Variants in SORCS3 observed in about 807,000 individuals in gnomAD.
SORCS3 encodes the protein sortilin related VPS10 domain containing receptor 3, also known as VPS10 domain-containing receptor SorCS3.
SORCS3 carries 57 observed loss-of-function variants against 146.3 expected under a neutral mutation model. The observed-to-expected ratio is 0.39, with a 90% confidence interval of 0.31 to 0.49. The LOEUF is 0.49. SORCS3 is among the 20% of genes least tolerant of loss of function. The pLI, the probability that SORCS3 is intolerant of heterozygous loss-of-function variation, is 0.92. For missense variants in SORCS3, 1,341 were observed against 1,575.5 expected (o/e 0.85, Z 2.52); for synonymous variants, 653 against 618.5 (o/e 1.06, Z -0.83).
chr10:104,908,401 G>A (rs2018931122), intron 2 of SORCS3, among the ~76,000 whole-genome samples: 1 of 152,170 alleles, frequency 6.6e-6, no homozygotes, highest in Admixed American at 6.5e-5. Flanking sequence ...ATACAATCAG[G>A]GGTATTCATA....
chr10:105,239,152 T>G (rs2056809480), intron 20 of SORCS3, among the ~76,000 whole-genome samples: 1 of 152,192 alleles, frequency 6.6e-6, no homozygotes, highest in Non-Finnish European at 1.5e-5. Context: ...TAGCTATAGA[T>G]AGTATTTTGC....
chr10:104,719,057 C>T (rs546845619), intron 1 of SORCS3, among the ~76,000 whole-genome samples: 1 of 152,144 alleles, frequency 6.6e-6, no homozygotes, highest in East Asian at 1.9e-4. Context: ...ATATCCAAAT[C>T]TTATTTGAAT....
intron 2 of SORCS3, among the ~76,000 whole-genome samples, chr10:104,859,066 G>A (rs563579388): frequency 2.0e-5 from 3 of 152,066 alleles, no homozygotes; most frequent in African/African-American, 7.2e-5. Flanking sequence ...TGTGTGGTGT[G>A]TGTATGTTGC....
chr10:104,709,163 G>A (rs1237973067), intron 1 of SORCS3, among the ~76,000 whole-genome samples: 1 of 152,180 alleles, frequency 6.6e-6, no homozygotes, highest in Non-Finnish European at 1.5e-5. Context: ...CACCTTCTGT[G>A]TGTTTGGGAG....
chr10:104,659,193 T>C (rs1589449295), intron 1 of SORCS3, among the ~76,000 whole-genome samples: 2 of 152,200 alleles, frequency 1.3e-5, no homozygotes, highest in Non-Finnish European at 2.9e-5. Flanking sequence ...TCTTCACAAT[T>C]AGAGGACCAT....
chr10:105,240,953 T>C (rs879625097), intron 20 of SORCS3, among the ~76,000 whole-genome samples: 1 of 122,750 alleles, frequency 8.1e-6, no homozygotes, highest in Non-Finnish European at 1.8e-5. Context: ...AAAAAATATA[T>C]ATATATATAT....
At chr10:105,078,641 G>A (rs1413071256) in intron 5 of SORCS3, among the ~76,000 whole-genome samples, 1 of 152,116 alleles carries the variant, frequency 6.6e-6, no homozygotes, top group East Asian at 1.9e-4. Flanking sequence ...TTGCACTTAC[G>A]ATATTTTGAG....
At chr10:104,661,400 A>C (rs1406715579) in intron 1 of SORCS3, among the ~76,000 whole-genome samples, 1 of 152,152 alleles carries the variant, frequency 6.6e-6, no homozygotes, top group Non-Finnish European at 1.5e-5. Flanking sequence ...ATCTTGCTCC[A>C]CCACCCTAAC....
chr10:104,871,257 C>A (rs1399804111), intron 2 of SORCS3, among the ~76,000 whole-genome samples: 1 of 152,190 alleles, frequency 6.6e-6, no homozygotes, highest in African/African-American at 2.4e-5. Context: ...GGAACAGAGG[C>A]TTCTGTTGTG....
At chr10:104,892,926 T>A (rs1027427922) in intron 2 of SORCS3, among the ~76,000 whole-genome samples, 5 of 152,232 alleles carry the variant, frequency 3.3e-5, no homozygotes, top group African/African-American at 1.2e-4. Flanking sequence ...GTCAATCTCT[T>A]TCTTCCCTAG....
intron 8 of SORCS3, among the ~76,000 whole-genome samples, chr10:105,146,864 A>T (rs1479903228): frequency 6.6e-6 from 1 of 152,062 alleles, no homozygotes; most frequent in Non-Finnish European, 1.5e-5. Context: ...AAGAAATCCA[A>T]CCTCTTCACT....
intron 3 of SORCS3, among the ~76,000 whole-genome samples, chr10:104,952,410 T>C (rs2019442101): frequency 6.6e-6 from 1 of 151,880 alleles, no homozygotes; most frequent in African/African-American, 2.4e-5. Flanking sequence ...GTGTAGAATC[T>C]CACACTCTTC....
chr10:104,942,763 A>G (rs2019333459), intron 3 of SORCS3, among the ~76,000 whole-genome samples: 1 of 152,356 alleles, frequency 6.6e-6, no homozygotes, highest in South Asian at 2.1e-4. Flanking sequence ...ACTCTTATCC[A>G]ACTAGAGGAG....
At chr10:104,674,051 A>G (rs1041352208) in intron 1 of SORCS3, among the ~76,000 whole-genome samples, 3 of 152,212 alleles carry the variant, frequency 2.0e-5, no homozygotes, top group Admixed American at 6.5e-5. Context: ...CGCTGATGTT[A>G]CTCACCACCC....
At chr10:104,659,211 G>A (rs4537697) in intron 1 of SORCS3, among the ~76,000 whole-genome samples, 62,407 of 151,972 alleles carry the variant, frequency 0.41, 14,344 homozygotes, top group Middle Eastern at 0.64. Context: ...CATTTTTCAT[G>A]TTGAACATTG....
At chr10:104,698,639 A>C (rs986866320) in intron 1 of SORCS3, among the ~76,000 whole-genome samples, 12 of 152,218 alleles carry the variant, frequency 7.9e-5, no homozygotes, top group African/African-American at 2.9e-4. Flanking sequence ...GATGTCATTC[A>C]TAATTAGACC....
At chr10:104,806,044 G>T (rs999374972) in intron 1 of SORCS3, among the ~76,000 whole-genome samples, 1 of 152,128 alleles carries the variant, frequency 6.6e-6, no homozygotes, top group Non-Finnish European at 1.5e-5. Context: ...AATATTTGGG[G>T]GTTAATATTT....
intron 1 of SORCS3, among the ~76,000 whole-genome samples, chr10:104,839,108 A>G (rs138252077): frequency 1.3e-5 from 2 of 152,320 alleles, no homozygotes; most frequent in African/African-American, 4.8e-5. Context: ...CATTTACTCA[A>G]AAGCGATTAT....
intron 2 of SORCS3, among the ~76,000 whole-genome samples, chr10:104,883,904 T>A (rs2018654754): frequency 6.6e-6 from 1 of 151,500 alleles, no homozygotes; most frequent in South Asian, 2.1e-4. Flanking sequence ...TCCTGGGTTT[T>A]CTTTTTCCTG....
Sources: allele counts gnomAD v4.1 joint callset (sites outside exome capture counted in the v4.1 genomes callset), GRCh38; gene constraint gnomAD v4.1.1; transcripts MANE v1.5; gene names NCBI Gene and HGNC (gene_info 2026-07-23, HGNC 2026-07-21).